STAT4: variants seen among roughly 807,000 people sequenced by gnomAD.
The protein encoded by STAT4 is signal transducer and activator of transcription 4.
In STAT4, 42 loss-of-function variants were observed where a neutral mutation model predicts 110.5. The ratio of observed to expected loss-of-function variants is 0.38; its 90% CI spans 0.30 to 0.49. The LOEUF is 0.49. STAT4 is among the 20% of genes least tolerant of loss of function. The pLI is 0.95. For missense variants in STAT4, 632 were observed against 887.9 expected (o/e 0.71, Z 3.66); for synonymous variants, 284 against 302.2 (o/e 0.94, Z 0.63).
At chr2:191,075,472 T>A (rs562672914) in intron 4 of STAT4, among the ~76,000 whole-genome samples, 2 of 152,250 alleles carry the variant, frequency 1.3e-5, no homozygotes, top group South Asian at 4.1e-4. Context: ...CACGGACTGG[T>A]TTACACTGTG....
chr2:191,129,747 C>T (rs749303687), intron 3 of STAT4, among the ~76,000 whole-genome samples: 1 of 152,186 alleles, frequency 6.6e-6, no homozygotes, highest in Admixed American at 6.5e-5. Context: ...TCCCACCACA[C>T]AATAAGTCTC....
At position 191,112,723 on chromosome 2, in the gene STAT4, T is replaced by A. The variant is rs1698457210; in HGVS notation, c.273+33890A>T. ...TTCTGCAGTGAGGAACACTGAAGCC[T>A]AGGGAGGGGAAGGTCGCCCAGTTAC... On this transcript the variant is annotated intron_variant, in intron 3 of 23. Coordinates refer to ENST00000392320, the MANE Select transcript of STAT4 (RefSeq NM_003151.4). The surrounding 1 kb of genome is among the most constrained non-coding windows in gnomAD (Gnocchi z 4.3). Among the ~76,000 whole-genome samples the A allele has an allele frequency of 6.6e-6, 1 of 152,166 alleles. No individual in the cohort carries two copies. The highest frequency in any genetic ancestry group is 1.5e-5 in the Non-Finnish European group (1 of 68,022).
intron 3 of STAT4, among the ~76,000 whole-genome samples, chr2:191,111,882 A>G (rs573549126): frequency 6.6e-6 from 1 of 152,204 alleles, no homozygotes; most frequent in South Asian, 2.1e-4. Flanking sequence ...AAAGAAGTGC[A>G]TACTGTATGA....
chr2:191,033,413 A>G lies in STAT4; in HGVS notation c.1852+77T>C, dbSNP rs1695956352. ...TCACAGACAGATCAACACACCATAC[A>G]CTTCCAAAAACTGAAATCCCAGTAA... On this transcript the variant is annotated intron_variant, in intron 20 of 23. Transcript: ENST00000392320. The surrounding 1 kb of genome is among the most constrained non-coding windows in gnomAD (Gnocchi z 6.9). The G allele has an allele frequency of 4.0e-6, 6 of 1,491,378 alleles. No individual in the cohort carries two copies. Among genetic ancestry groups the G allele is most frequent in the Non-Finnish European group, 5.4e-6 (6 of 1,105,450 alleles). 92.4% of individuals were successfully genotyped at this position (1,491,378 alleles called of 1,614,324 possible). A position where few individuals can be genotyped will look rare whatever the true frequency, so the allele number is the denominator to read the frequency against.
intron 3 of STAT4, among the ~76,000 whole-genome samples, chr2:191,120,084 A>G (rs1485549133): frequency 6.6e-6 from 1 of 152,204 alleles, no homozygotes; most frequent in Non-Finnish European, 1.5e-5. Context: ...AGACTAAAAC[A>G]CTAAAGGTCC....
chr2:191,033,853 TAAC>T lies in STAT4; in HGVS notation c.1715+55_1715+57del, dbSNP rs1695966578. On this transcript the variant is annotated intron_variant, in intron 19 of 23. Coordinates refer to ENST00000392320, the MANE Select transcript of STAT4 (RefSeq NM_003151.4). This position sits in a 1 kb window ranked among gnomAD's most constrained non-coding sequence, Gnocchi z 6.9. ...AGAGAAAAAGAAAGAAGAAAACCAA[TAAC>T]AACAGAAAAAAAGAACATAATTAAC... 6 of 1,452,774 alleles carry T rather than the reference TAAC, an allele frequency of 4.1e-6. No homozygotes were observed. In the East Asian group the frequency reaches 1.1e-4, roughly 28 times the overall value. The allele number at this position is 1,452,774 out of a possible 1,614,324, so 90.0% of individuals were successfully genotyped here.
intron 5 of STAT4, among the ~76,000 whole-genome samples, chr2:191,072,586 T>A (rs1309287714): frequency 2.0e-5 from 3 of 152,156 alleles, no homozygotes; most frequent in African/African-American, 4.8e-5. Context: ...GCTATGTAAG[T>A]TTTGGAAGGG....
At chr2:191,055,314 T>G (rs1486625372) in intron 13 of STAT4, among the ~76,000 whole-genome samples, 2 of 150,820 alleles carry the variant, frequency 1.3e-5, no homozygotes. Context: ...TTTTCCTGCC[T>G]CAGCCTCCAG....
intron 3 of STAT4, among the ~76,000 whole-genome samples, chr2:191,076,853 C>T (rs1697331434): frequency 6.6e-6 from 1 of 152,026 alleles, no homozygotes; most frequent in Non-Finnish European, 1.5e-5. Context: ...CCATGTTGGT[C>T]AGGCTGGTCT....
At position 191,046,334 on chromosome 2, in the gene STAT4, T is replaced by C. The variant is rs1480668600; in HGVS notation, c.1252-5186A>G. On this transcript the variant is annotated intron_variant, in intron 14 of 23. Transcript: ENST00000392320. This position sits in a 1 kb window ranked among gnomAD's most constrained non-coding sequence, Gnocchi z 4.6. ...AGCTCCTTGAAGTCTTACTGGAACA[T>C]GGTGGCATGGGTAAAGATAGCACAG... Among the ~76,000 whole-genome samples, 1 of 152,220 alleles carries C rather than the reference T, an allele frequency of 6.6e-6. No individual in the cohort carries two copies. Among genetic ancestry groups the C allele is most frequent in the African/African-American group, 2.4e-5 (1 of 41,444 alleles).
rs1699501174 is a variant in STAT4, at chr2:191,147,972, A to C, written c.128+104T>G. On this transcript the variant is annotated intron_variant, in intron 2 of 23. Transcript: ENST00000392320. This position sits in a 1 kb window ranked among gnomAD's most constrained non-coding sequence, Gnocchi z 4.1. ...CCTTGAGAAAGTTCTTTACCTGAAA[A>C]GAATGCATCTACTGAGTAAAAAGTG... 1 of 1,467,164 alleles carries C rather than the reference A, an allele frequency of 6.8e-7. No homozygotes were observed. Among genetic ancestry groups the C allele is most frequent in the African/African-American group, 1.4e-5 (1 of 69,222 alleles). 90.9% of individuals were successfully genotyped at this position (1,467,164 alleles called of 1,614,324 possible).
chr2:191,040,223 C>CT (rs1158296110), intron 15 of STAT4, among the ~76,000 whole-genome samples: 12 of 152,070 alleles, frequency 7.9e-5, no homozygotes, highest in African/African-American at 2.9e-4. Flanking sequence ...CCAAAAGTTT[C>CT]TTTATTCTTT....
chr2:191,093,261 C>G (rs1331877470), intron 3 of STAT4, among the ~76,000 whole-genome samples: 1 of 152,204 alleles, frequency 6.6e-6, no homozygotes, highest in African/African-American at 2.4e-5. Context: ...ATCCCTGACC[C>G]CTGTGTAGCC....
intron 13 of STAT4, among the ~76,000 whole-genome samples, chr2:191,055,738 CAA>C (rs1696671487): frequency 6.6e-6 from 1 of 152,306 alleles, no homozygotes; most frequent in South Asian, 2.1e-4. Flanking sequence ...TTTGCAAGAG[CAA>C]AAGACCACTG....
intron 3 of STAT4, chr2:191,131,473 A>G (rs1267632682): frequency 5.7e-6 from 1 of 174,204 alleles, no homozygotes; most frequent in Non-Finnish European, 1.2e-5. Context: ...AAGTATAAAT[A>G]TAGTGTGATC....
At chr2:191,141,456 TATACATATGTATATCACATAC>T (rs1301429158) in intron 3 of STAT4, among the ~76,000 whole-genome samples, 1 of 128,492 alleles carries the variant, frequency 7.8e-6, no homozygotes, top group Non-Finnish European at 1.6e-5. Flanking sequence ...ATATCACATA[TATACATATGTATATCACATAC>T]ATACATATAC....
chr2:191,097,203 ATTTATAGAT>A (rs1698012555), intron 3 of STAT4, among the ~76,000 whole-genome samples: 2 of 152,206 alleles, frequency 1.3e-5, no homozygotes, highest in Admixed American at 6.5e-5. Context: ...GCCCAATATA[ATTTATAGAT>A]TCAATGCCAT....
intron 3 of STAT4, among the ~76,000 whole-genome samples, chr2:191,139,464 T>C (rs1240938536): frequency 6.6e-6 from 1 of 152,110 alleles, no homozygotes; most frequent in Non-Finnish European, 1.5e-5. Context: ...ACGACCAAGC[T>C]GAGAATCAAA....
Position 191,066,533 on chromosome 2 carries a change from T to C in STAT4, c.545-18A>G. ...ACTCTGATCTGCAAAGGTAAAGAGATCAGATTTAGAGTTCTCTCTATTCCT... is the reference window on the plus strand; with the variant it reads ...ACTCTGATCTGCAAAGGTAAAGAGACCAGATTTAGAGTTCTCTCTATTCCT... On this transcript the variant is annotated intron_variant, in intron 6 of 23. Coordinates refer to ENST00000392320, the MANE Select transcript of STAT4 (RefSeq NM_003151.4). The surrounding 1 kb of genome is among the most constrained non-coding windows in gnomAD (Gnocchi z 4.3). The C allele has an allele frequency of 3.1e-6, 5 of 1,609,674 alleles. No individual in the cohort carries two copies. The highest frequency in any genetic ancestry group is 4.2e-6 in the Non-Finnish European group (5 of 1,176,960).
Sources: allele counts gnomAD v4.1 joint callset (sites outside exome capture counted in the v4.1 genomes callset), GRCh38; gene constraint gnomAD v4.1.1; non-coding constraint Gnocchi (gnomAD v3.1); transcripts MANE v1.5; gene names NCBI Gene and HGNC (gene_info 2026-07-23, HGNC 2026-07-21).